The following FAF1 variants were observed in gnomAD, a reference collection of about 807,000 sequenced individuals.
The protein encoded by FAF1 is Fas associated factor 1, also known as FAS-associated factor 1.
Under a neutral mutation model 92.5 loss-of-function variants are expected in FAF1, and 25 were observed. The observed-to-expected ratio is 0.27, with a 90% CI of 0.20 to 0.38. FAF1 has a LOEUF of 0.38. Among genes scored for constraint, FAF1 ranks in the 10% least tolerant of loss-of-function variants. The pLI is 1.00. For synonymous variants in FAF1, 234 were observed against 273.2 expected (o/e 0.86, Z 1.42); for missense variants, 636 against 793.3 (o/e 0.80, Z 2.38).
intron 2 of FAF1, among the ~76,000 whole-genome samples, chr1:50,805,372 G>A (rs907099783): frequency 6.6e-5 from 10 of 151,986 alleles, no homozygotes; most frequent in South Asian, 2.1e-4. Flanking sequence ...AACTGACAAC[G>A]AAAACAATAC....
At chr1:50,782,173 C>A (rs962680161) in intron 4 of FAF1, among the ~76,000 whole-genome samples, 37 of 152,010 alleles carry the variant, frequency 2.4e-4, no homozygotes, top group Non-Finnish European at 3.5e-4. Flanking sequence ...AAAGTATACA[C>A]TTTCTTTTTG....
At chr1:50,890,757 G>C (rs1644712969) in intron 1 of FAF1, among the ~76,000 whole-genome samples, 1 of 152,152 alleles carries the variant, frequency 6.6e-6, no homozygotes, top group Non-Finnish European at 1.5e-5. Flanking sequence ...GCTTCCCTTT[G>C]TTGGTAACTC....
rs1280493582 is a variant in FAF1 at position 50,819,778 on chromosome 1, C to CATATATATATACGT, written c.115-18102_115-18101insACGTATATATATAT. 2.3e-4 allele frequency among the ~76,000 whole-genome samples: 7 copies of CATATATATATACGT among 30,450 alleles called. 1 individual carries two copies. Among genetic ancestry groups the CATATATATATACGT allele is most frequent in the Non-Finnish European group, 4.4e-4 (6 of 13,570 alleles). 20.0% of individuals were successfully genotyped at this position (30,450 alleles called of 152,430 possible). ...ATATATATATACGTATATATATATA[C>CATATATATATACGT]ATATATATACATATATATATATACA... On this transcript the variant is annotated intron_variant, in intron 2 of 18. Coordinates refer to ENST00000396153, the MANE Select transcript of FAF1 (RefSeq NM_007051.3).
chr1:50,692,241 CTGTGTGTGTGTGTGTGTGTGTG>C (rs59187392), intron 7 of FAF1, among the ~76,000 whole-genome samples: 11 of 129,002 alleles, frequency 8.5e-5, no homozygotes, highest in South Asian at 5.7e-4. Context: ...GAAGTATTTA[CTGTGTGTGTGTGTGTGTGTGTG>C]TGTGTGTGTG....
At chr1:50,679,852 A>C (rs1369306906) in intron 7 of FAF1, among the ~76,000 whole-genome samples, 1 of 152,206 alleles carries the variant, frequency 6.6e-6, no homozygotes, top group Non-Finnish European at 1.5e-5. Flanking sequence ...TACAGTCTAA[A>C]CCGCACATCT....
At chr1:50,926,914 G>C (rs544508325) in intron 1 of FAF1, among the ~76,000 whole-genome samples, 1 of 152,324 alleles carries the variant, frequency 6.6e-6, no homozygotes, top group South Asian at 2.1e-4. Context: ...TCACACAACA[G>C]AGTATTGTTG....
At chr1:50,915,346 G>A (rs569562706) in intron 1 of FAF1, among the ~76,000 whole-genome samples, 1 of 144,116 alleles carries the variant, frequency 6.9e-6, no homozygotes, top group Non-Finnish European at 1.6e-5. Flanking sequence ...CTCCAGCCTG[G>A]GCAACAAGAG....
At chr1:50,848,753 T>A (rs1238585273) in intron 2 of FAF1, among the ~76,000 whole-genome samples, 1 of 152,034 alleles carries the variant, frequency 6.6e-6, no homozygotes. Flanking sequence ...AAACCCAAAC[T>A]GAGGAACATG....
chr1:50,522,215 G>A (rs959611283), intron 15 of FAF1, among the ~76,000 whole-genome samples: 2 of 152,136 alleles, frequency 1.3e-5, no homozygotes, highest in African/African-American at 4.8e-5. Context: ...ATCTTGGTAA[G>A]AGCACTGATT....
At position 50,694,364 on chromosome 1, in the gene FAF1, T is replaced by C. The variant is rs191560264; in HGVS notation, c.657+11422A>G. Among the ~76,000 whole-genome samples the C allele has an allele frequency of 3.7e-4, 56 of 152,240 alleles. 4 individuals carry two copies. The highest frequency in any genetic ancestry group is 1.3e-3 in the African/African-American group (55 of 41,546). ...CAAAAGGACTAGAAACAAATGCTAA[T>C]AGCATATTTTGAATTTCAGCTACAT... On this transcript the variant is annotated intron_variant, in intron 7 of 18. Coordinates refer to ENST00000396153, the MANE Select transcript of FAF1 (RefSeq NM_007051.3).
Position 50,458,520 on chromosome 1 carries a change from T to C in FAF1, c.1869+16944A>G, listed in dbSNP as rs1646384213. Among the ~76,000 whole-genome samples, 4 of 152,194 alleles carry C rather than the reference T, an allele frequency of 2.6e-5. No homozygotes were observed. In the South Asian group the frequency reaches 8.3e-4, roughly 31 times the overall value. On this transcript the variant is annotated intron_variant, in intron 18 of 18. Transcript: ENST00000396153. ...CCATTCCAAGTCCTCTGTAAATAAG[T>C]TAGAAAGCGGTAAGGGCAAAATTTT...
At chr1:50,762,949 T>C (rs1218613375) in intron 4 of FAF1, among the ~76,000 whole-genome samples, 2 of 152,028 alleles carry the variant, frequency 1.3e-5, no homozygotes, top group African/African-American at 4.8e-5. Flanking sequence ...ATCTGATAAA[T>C]CTCTCTTTTA....
At chr1:50,783,896 T>C (rs973376261) in intron 4 of FAF1, among the ~76,000 whole-genome samples, 1 of 151,812 alleles carries the variant, frequency 6.6e-6, no homozygotes, top group Non-Finnish European at 1.5e-5. Context: ...CAACAACATA[T>C]GAAAATCAAT....
chr1:50,472,181 G>A (rs1646581725), intron 18 of FAF1, among the ~76,000 whole-genome samples: 1 of 151,980 alleles, frequency 6.6e-6, no homozygotes, highest in Non-Finnish European at 1.5e-5. Flanking sequence ...GCCTATAGGA[G>A]GAGTAGTGGG....
At chr1:50,882,816 T>C (rs1440737019) in intron 1 of FAF1, among the ~76,000 whole-genome samples, 1 of 151,260 alleles carries the variant, frequency 6.6e-6, no homozygotes, top group East Asian at 1.9e-4. Flanking sequence ...TGAAACCCCA[T>C]CTCTACTAAA....
chr1:50,907,326 T>C (rs1452000087), intron 1 of FAF1, among the ~76,000 whole-genome samples: 1 of 152,224 alleles, frequency 6.6e-6, no homozygotes. Context: ...ATCAGGGATA[T>C]TAGTCTAAAA....
At chr1:50,595,285 C>G (rs1308716064) in intron 9 of FAF1, among the ~76,000 whole-genome samples, 2 of 151,998 alleles carry the variant, frequency 1.3e-5, no homozygotes, top group African/African-American at 4.8e-5. Flanking sequence ...AACTCCTGAC[C>G]TCAGGTGATC....
intron 7 of FAF1, among the ~76,000 whole-genome samples, chr1:50,686,794 T>G (rs1220904079): frequency 6.6e-6 from 1 of 152,138 alleles, no homozygotes; most frequent in East Asian, 1.9e-4. Flanking sequence ...TTCTTTAAAC[T>G]CTTGGAAAAC....
chr1:50,857,330 T>A (rs1644397989), intron 2 of FAF1, among the ~76,000 whole-genome samples: 1 of 151,774 alleles, frequency 6.6e-6, no homozygotes, highest in South Asian at 2.1e-4. Context: ...TTAGCATTTC[T>A]AAGGCATTAA....
Sources: gnomAD v4.1 joint callset for allele counts (sites outside exome capture counted in the v4.1 genomes callset) on GRCh38, gnomAD v4.1.1 for gene constraint, MANE v1.5 for transcripts, NCBI Gene and HGNC (gene_info 2026-07-23, HGNC 2026-07-21) for gene names.